Variants in ERICH1 observed in about 807,000 individuals in gnomAD.
ERICH1 encodes glutamate rich 1.
Under a neutral mutation model 39.6 loss-of-function variants are expected in ERICH1, and 56 were observed. The ratio of observed to expected loss-of-function variants is 1.41; its 90% CI spans 1.14 to 1.77. The LOEUF (loss-of-function observed/expected upper bound fraction) is 1.77. ERICH1 is among the 40% of genes most tolerant of loss of function. ERICH1 has a pLI of 0.00. For missense variants in ERICH1, 826 were observed against 575.4 expected (o/e 1.44, Z -4.45); for synonymous variants, 313 against 223.6 (o/e 1.40, Z -3.57).
rs374575773 is a variant in ERICH1, at chr8:616,888, GACACACACAC to G, written c.977-1614_977-1605del. 6.3e-3 allele frequency among the ~76,000 whole-genome samples: 410 copies of G among 65,484 alleles called. 62 individuals carry two copies. Among genetic ancestry groups the G allele is most frequent in the Middle Eastern group, 9.3e-3 (1 of 108 alleles). 43.0% of individuals were successfully genotyped at this position (65,484 alleles called of 152,430 possible). On this transcript the variant is annotated intron_variant, in intron 3 of 3. Transcript: ENST00000522706. The stretch of plus-strand genomic sequence containing the variant: ...AGAGAGAGAGGGAGAGGGAGACAGA[GACACACACAC>G]ACACAGAGAGAGAGAGAGAGACAGA...
intron 2 of ERICH1, among the ~76,000 whole-genome samples, chr8:712,793 C>T (rs1237057898): frequency 6.6e-6 from 1 of 152,200 alleles, no homozygotes; most frequent in Non-Finnish European, 1.5e-5. Context: ...ATCGTACAAC[C>T]CCACTATAAT....
At chr8:705,685 T>TCAACAA (rs201737204) in intron 2 of ERICH1, among the ~76,000 whole-genome samples, 2 of 152,008 alleles carry the variant, frequency 1.3e-5, no homozygotes, top group Admixed American at 1.3e-4. Flanking sequence ...GGGCAATTAG[T>TCAACAA]CAACAACAAC....
intron 2 of ERICH1, among the ~76,000 whole-genome samples, chr8:709,026 T>C (rs144304656): frequency 5.8e-4 from 89 of 152,184 alleles, no homozygotes; most frequent in African/African-American, 2.1e-3. Context: ...AAGAATATTC[T>C]GGAATTAGAT....
At chr8:651,648 G>A (rs1799958477) in intron 3 of ERICH1, among the ~76,000 whole-genome samples, 1 of 151,720 alleles carries the variant, frequency 6.6e-6, no homozygotes, top group South Asian at 2.1e-4. Context: ...AGGGACAGGA[G>A]AGGCAGAGAG....
At chr8:635,466 C>A (rs1266781255) in intron 3 of ERICH1, among the ~76,000 whole-genome samples, 1 of 152,214 alleles carries the variant, frequency 6.6e-6, no homozygotes, top group East Asian at 1.9e-4. Flanking sequence ...AGGGCGTTCA[C>A]CTGCACCAAC....
chr8:656,766 C>T (rs1335064551), intron 3 of ERICH1: 4 of 985,328 alleles, frequency 4.1e-6, no homozygotes, highest in Non-Finnish European at 4.8e-6. Context: ...TAGTGTTGTG[C>T]CAAACGGTGC....
At chr8:626,970 G>A (rs540021076) in intron 3 of ERICH1, 1 of 384,628 alleles carries the variant, frequency 2.6e-6, no homozygotes, top group Non-Finnish European at 5.4e-6. Flanking sequence ...CTGTGCCGTG[G>A]AGGAGGAAAG....
In ERICH1 at chr8:714,807, G is replaced by A. The variant is rs370166955; in HGVS notation, c.169+1054C>T. Among the ~76,000 whole-genome samples the A allele has an allele frequency of 2.7e-4, 41 of 151,244 alleles. 1 individual carries two copies. The East Asian group carries it at 6.5e-3, about 24-fold the overall frequency. On this transcript the variant is annotated intron_variant, in intron 2 of 5. Transcript: ENST00000262109. ...CCGGCATCTCTCGGTGGGATGTGCTGCACCCAGATGTTCTCATCCCACGTC... is the reference window on the plus strand; with the variant it reads ...CCGGCATCTCTCGGTGGGATGTGCTACACCCAGATGTTCTCATCCCACGTC...
chr8:626,782 G>C (rs1012383423), intron 3 of ERICH1: 2 of 219,096 alleles, frequency 9.1e-6, no homozygotes, highest in Admixed American at 4.6e-5. Flanking sequence ...GTTGCAGAGT[G>C]AAGATTTTGT....
intron 2 of ERICH1, among the ~76,000 whole-genome samples, chr8:714,752 G>A (rs1344966922): frequency 7.0e-6 from 1 of 142,998 alleles, no homozygotes; most frequent in Non-Finnish European, 1.5e-5. Context: ...GCATCTCTCG[G>A]TGGGATGTGC....
At chr8:717,728 C>T (rs760364930) in intron 1 of ERICH1, among the ~76,000 whole-genome samples, 23 of 152,372 alleles carry the variant, frequency 1.5e-4, no homozygotes, top group Non-Finnish European at 2.4e-4. Context: ...GGGCAGCCAA[C>T]GCGGACATGT....
intron 2 of ERICH1, among the ~76,000 whole-genome samples, chr8:706,927 C>T (rs1026101963): frequency 1.1e-4 from 16 of 152,234 alleles, no homozygotes; most frequent in African/African-American, 3.6e-4. Flanking sequence ...GCCCAGTGTT[C>T]TACAAACTCA....
rs367822542 is a variant in ERICH1 at position 703,566 on chromosome 8, C to T, written c.170-10954G>A. On this transcript the variant is annotated intron_variant, in intron 2 of 5. Coordinates refer to ENST00000262109, the MANE Select transcript of ERICH1 (RefSeq NM_207332.3). The stretch of plus-strand genomic sequence containing the variant: ...AGGCCTGGCTCCCAGGAGCCCCAGG[C>T]ACCATAACTGAAGGCAAAGACTCCA... Among the ~76,000 whole-genome samples, 7 of 152,160 alleles carry T rather than the reference C, an allele frequency of 4.6e-5. No individual in the cohort carries two copies. The East Asian group carries it at 5.8e-4, about 13-fold the overall frequency.
intron 3 of ERICH1, among the ~76,000 whole-genome samples, chr8:629,187 C>T (rs910600293): frequency 1.7e-4 from 26 of 152,164 alleles, no homozygotes; most frequent in Admixed American, 1.5e-3. Flanking sequence ...CCAGCACCCC[C>T]TTCCTAGCCA....
chr8:655,563 C>A (rs1800532846), intron 3 of ERICH1, among the ~76,000 whole-genome samples: 1 of 152,196 alleles, frequency 6.6e-6, no homozygotes, highest in South Asian at 2.1e-4. Flanking sequence ...CCGAGTGGAT[C>A]ACGCAGCAAC....
chr8:680,638 G>C (rs942646096), intron 3 of ERICH1, among the ~76,000 whole-genome samples: 1 of 151,858 alleles, frequency 6.6e-6, no homozygotes, highest in Admixed American at 6.6e-5. Context: ...AAGTCCAAGA[G>C]AATCCACAGC....
chr8:673,751 C>T lies in ERICH1; in HGVS notation c.601G>A (p.Gly201Ser), dbSNP rs748074796. Reference sequence around the variant, plus strand: ...TCCTCCTCACAAGCCTCTCCCACGCCTTCCCCTTCATTGCTGCTGTCCTCG... The same window carrying T: ...TCCTCCTCACAAGCCTCTCCCACGCTTTCCCCTTCATTGCTGCTGTCCTCG... ...QPEDSSNEGE[G>S]VGEACEEDGV... The change falls in exon 4 of 6, where the codon GGC becomes AGC. Residue 201 changes from glycine (G) to serine (S), a missense_variant. By Grantham distance (56) the Gly-to-Ser change is moderately conservative (BLOSUM62 0). Transcript: ENST00000262109. The T allele has an allele frequency of 1.9e-6, 3 of 1,614,092 alleles. No individual in the cohort carries two copies. The highest frequency in any genetic ancestry group is 2.7e-5 in the African/African-American group (2 of 74,952).
chr8:667,129 T>G (rs1802375899), intron 5 of ERICH1: 1 of 152,798 alleles, frequency 6.5e-6, no homozygotes, highest in Non-Finnish European at 1.5e-5. Context: ...CTCCTGTCTC[T>G]GTCTGCGTAG....
intron 3 of ERICH1, among the ~76,000 whole-genome samples, chr8:688,300 G>A (rs184654737): frequency 2.4e-4 from 5 of 21,210 alleles, no homozygotes; most frequent in Admixed American, 6.9e-4. Context: ...CGGCCCTTCC[G>A]CCGCCCCGCC....
Sources: allele counts gnomAD v4.1 joint callset (sites outside exome capture counted in the v4.1 genomes callset), GRCh38; gene constraint gnomAD v4.1.1; transcripts MANE v1.5; gene names NCBI Gene and HGNC (gene_info 2026-07-23, HGNC 2026-07-21).